The following PLCG2 variants were observed in gnomAD, a reference collection of about 807,000 sequenced individuals.
PLCG2 encodes 1-phosphatidylinositol 4,5-bisphosphate phosphodiesterase gamma-2.
In PLCG2, 69 loss-of-function variants were observed where a neutral mutation model predicts 175.6. The observed-to-expected ratio is 0.39, with a 90% CI of 0.32 to 0.48. The LOEUF is 0.48. Ranked by LOEUF, PLCG2 falls within the 20% of genes least tolerant of loss-of-function variation. The pLI is 0.91. For missense variants in PLCG2, 1,798 were observed against 1,650.9 expected (o/e 1.09, Z -1.54); for synonymous variants, 827 against 624.0 (o/e 1.33, Z -4.85).
intron 5 of PLCG2, among the ~76,000 whole-genome samples, chr16:81,862,905 C>T (rs1037167100): frequency 6.6e-6 from 1 of 152,020 alleles, no homozygotes; most frequent in Non-Finnish European, 1.5e-5. Flanking sequence ...AAACCAAAAA[C>T]AACGAAAATA....
intron 2 of PLCG2, among the ~76,000 whole-genome samples, chr16:81,799,991 T>C (rs1225866356): frequency 6.6e-6 from 1 of 152,210 alleles, no homozygotes; most frequent in South Asian, 2.1e-4. Flanking sequence ...CTGCCTGGGT[T>C]CAGATCTTGG....
intron 31 of PLCG2, 93 bp downstream of exon 31, chr16:81,946,356 AG>A: frequency 2.3e-6 from 2 of 879,336 alleles, no homozygotes; most frequent in Non-Finnish European, 3.9e-6. Context: ...GATGGACTTA[AG>A]CCCATTCAGA....
intron 7 of PLCG2, among the ~76,000 whole-genome samples, chr16:81,873,951 A>T (rs9922182): frequency 0.012 from 1,851 of 152,206 alleles, 43 homozygotes; most frequent in African/African-American, 0.038. Flanking sequence ...ATGAGGGAGA[A>T]ACATAAATTG....
chr16:81,775,897 C>T (rs952624182), upstream of PLCG2, among the ~76,000 whole-genome samples: 2 of 151,822 alleles, frequency 1.3e-5, no homozygotes, highest in East Asian at 1.9e-4. Context: ...CTGAATGCCT[C>T]TTATTAATCT....
chr16:81,909,122 A>G (rs969421955), intron 17 of PLCG2, among the ~76,000 whole-genome samples: 3 of 152,262 alleles, frequency 2.0e-5, no homozygotes, highest in African/African-American at 7.2e-5. Context: ...GCCCTGTGCT[A>G]GACACAGTAC....
intron 9 of PLCG2, among the ~76,000 whole-genome samples, chr16:81,885,262 G>C (rs1173061795): frequency 2.0e-5 from 3 of 152,174 alleles, no homozygotes; most frequent in South Asian, 2.1e-4. Context: ...GGCCTCAGGT[G>C]ATCCACCCGC....
intron 2 of PLCG2, among the ~76,000 whole-genome samples, chr16:81,804,180 G>A (rs1911888102): frequency 6.6e-6 from 1 of 152,090 alleles, no homozygotes; most frequent in South Asian, 2.1e-4. Flanking sequence ...AATGTATGAG[G>A]GCTCCAACTT....
chr16:81,889,157 C>G lies in PLCG2; in HGVS notation c.766-15C>G. ...TCTCACTTTGCTGATCTCTCGTTCTCTTTGTCATTTTAAGGAGCATTGGGC... is the reference window on the plus strand; with the variant it reads ...TCTCACTTTGCTGATCTCTCGTTCTGTTTGTCATTTTAAGGAGCATTGGGC... On this transcript the variant is annotated splice_polypyrimidine_tract_variant and intron_variant, in intron 9 of 32. Coordinates refer to ENST00000564138, the MANE Select transcript of PLCG2 (RefSeq NM_002661.5). 6 of 1,520,250 alleles carry G rather than the reference C, an allele frequency of 3.9e-6. No homozygotes were observed. The highest frequency in any genetic ancestry group is 4.5e-6 in the Non-Finnish European group (5 of 1,101,850). 94.2% of individuals were successfully genotyped at this position (1,520,250 alleles called of 1,614,324 possible). A position where few individuals can be genotyped will look rare whatever the true frequency, so the allele number is the denominator to read the frequency against.
intron 31 of PLCG2, among the ~76,000 whole-genome samples, chr16:81,946,785 T>C (rs1911167168): frequency 6.6e-6 from 1 of 152,184 alleles, no homozygotes; most frequent in Non-Finnish European, 1.5e-5. Flanking sequence ...TTCCTTAGGA[T>C]CAATACTCAG....
chr16:81,851,042 T>TG (rs1463540120), intron 2 of PLCG2, among the ~76,000 whole-genome samples: 2 of 152,198 alleles, frequency 1.3e-5, no homozygotes, highest in Non-Finnish European at 2.9e-5. Flanking sequence ...AAGTCCTCAG[T>TG]GGGGTGTGAC....
At chr16:81,904,747 C>G (rs900206577) in intron 14 of PLCG2, among the ~76,000 whole-genome samples, 1 of 152,198 alleles carries the variant, frequency 6.6e-6, no homozygotes, top group South Asian at 2.1e-4. Flanking sequence ...AAACAACATC[C>G]CTGCCCTCAT....
rs112135616 is a variant in PLCG2, at chr16:81,942,949, C to T, written c.3481+2890C>T. Among the ~76,000 whole-genome samples, 1,279 of 152,052 alleles carry T rather than the reference C, an allele frequency of 8.4e-3. 26 individuals are homozygous for T. The highest frequency in any genetic ancestry group is 0.03 in the African/African-American group (1,228 of 41,462). Reference sequence around the variant, plus strand: ...TTTTTTTTTATACAAGGAGGGCTGCCCAGTGCATAAAAATGGGACTTGGGC... The same window carrying T: ...TTTTTTTTTATACAAGGAGGGCTGCTCAGTGCATAAAAATGGGACTTGGGC... On this transcript the variant is annotated intron_variant, in intron 30 of 32. Coordinates refer to ENST00000564138, the MANE Select transcript of PLCG2 (RefSeq NM_002661.5).
chr16:81,832,357 T>C (rs761939138), intron 2 of PLCG2, among the ~76,000 whole-genome samples: 17 of 152,214 alleles, frequency 1.1e-4, no homozygotes, highest in Non-Finnish European at 1.9e-4. Flanking sequence ...CCCTAATGCA[T>C]GCTCTTCTTT....
At chr16:81,837,886 A>G (rs967541066) in intron 2 of PLCG2, among the ~76,000 whole-genome samples, 1 of 152,142 alleles carries the variant, frequency 6.6e-6, no homozygotes, top group Admixed American at 6.6e-5. Flanking sequence ...CACAACATTC[A>G]TAGAACCCAC....
chr16:81,805,369 G>T (rs1350250214), intron 2 of PLCG2, among the ~76,000 whole-genome samples: 1 of 151,412 alleles, frequency 6.6e-6, no homozygotes, highest in African/African-American at 2.4e-5. Context: ...TGTGGTGTCG[G>T]GTGCCTATAG....
chr16:81,793,239 TG>T (rs1158826110), intron 2 of PLCG2, among the ~76,000 whole-genome samples: 1 of 152,196 alleles, frequency 6.6e-6, no homozygotes, highest in African/African-American at 2.4e-5. Context: ...GTTAAGGAGC[TG>T]GTTGTCTGTG....
At chr16:81,844,704 TA>T (rs898345811) in intron 2 of PLCG2, among the ~76,000 whole-genome samples, 3 of 152,156 alleles carry the variant, frequency 2.0e-5, no homozygotes, top group East Asian at 3.9e-4. Context: ...GCATTTTGCA[TA>T]AAAAAAGAGT....
rs1414097708 is a variant in PLCG2, at chr16:81,908,550, G to A, written c.1692G>A (p.Arg564=). 6.2e-7 allele frequency: 1 copy of A among 1,612,906 alleles called. No individual in the cohort carries two copies. Among genetic ancestry groups the A allele is most frequent in the South Asian group, 1.1e-5 (1 of 91,008 alleles). The stretch of plus-strand genomic sequence containing the variant: ...GCAAGGATGGCACCTTCCTGGTTCG[G>A]GAGAGCGAGACCTTCCCCAATGACT... ...TGGKDGTFLV[R]ESETFPNDYT... The change falls in exon 17 of 33, where the codon CGG becomes CGA. Residue 564 remains arginine (R), a synonymous_variant. Coordinates refer to ENST00000564138, the MANE Select transcript of PLCG2 (RefSeq NM_002661.5).
rs1909578178 is a variant in PLCG2, at chr16:81,910,623, C to T, written c.1837C>T (p.Leu613Phe). Reference protein sequence around the residue: ...DNLTFSSIYALIQHYRETHLR... With the variant: ...DNLTFSSIYAFIQHYRETHLR... ...CCTCACCTTCAGCAGCATCTATGCC[C>T]TCATCCAGCACTACCGCGAGACGCA... Residue 613 changes from leucine (L) to phenylalanine (F), a missense_variant, in exon 18 of 33, where the codon CTC (leucine) becomes TTC (phenylalanine). Coordinates refer to ENST00000564138, the MANE Select transcript of PLCG2 (RefSeq NM_002661.5). The T allele has an allele frequency of 1.9e-6, 3 of 1,614,114 alleles. No individual in the cohort carries two copies. The highest frequency in any genetic ancestry group is 2.5e-6 in the Non-Finnish European group (3 of 1,179,996).
Sources: allele counts gnomAD v4.1 joint callset (sites outside exome capture counted in the v4.1 genomes callset), GRCh38; gene constraint gnomAD v4.1.1; transcripts MANE v1.5; gene names NCBI Gene and HGNC (gene_info 2026-07-23, HGNC 2026-07-21).